The following RNASEH1 variants were observed in gnomAD, a reference collection of about 807,000 sequenced individuals.
RNASEH1 encodes ribonuclease H type II.
Under a neutral mutation model 34.6 loss-of-function variants are expected in RNASEH1, and 27 were observed. That is an observed-to-expected ratio of 0.78 (90% CI 0.58 to 1.08). The LOEUF is 1.08. Among genes scored for constraint, RNASEH1 ranks in the 50% least tolerant of loss-of-function variants. The probability of loss-of-function intolerance (pLI) is 0.00; values close to 1 mark genes in which losing one functional copy is unlikely to be tolerated. For synonymous variants in RNASEH1, 162 were observed against 138.4 expected, an observed-to-expected ratio of 1.17 and a Z score of -1.20; for missense variants, 349 against 373.6, an observed-to-expected ratio of 0.93 and a Z score of 0.54.
At chr2:3,548,269 T>C (rs369566877) in intron 6 of RNASEH1, among the ~76,000 whole-genome samples, 21 of 152,340 alleles carry the variant, frequency 1.4e-4, no homozygotes, top group African/African-American at 5.1e-4. Flanking sequence ...TACCTACAGC[T>C]GTCAGCTTAA....
chr2:3,555,858 C>T (rs1175880068), intron 2 of RNASEH1, among the ~76,000 whole-genome samples: 4 of 152,118 alleles, frequency 2.6e-5, no homozygotes, highest in Non-Finnish European at 5.9e-5. Flanking sequence ...AATAACCGTA[C>T]TTTCTATAAC....
At chr2:3,548,513 G>C in intron 6 of RNASEH1, 127 bp downstream of exon 6, 1 of 627,452 alleles carries the variant, frequency 1.6e-6, no homozygotes, top group Non-Finnish European at 2.8e-6. Context: ...CTCACTCTTT[G>C]CTCGGTACCT....
At chr2:3,556,326 T>G (rs1660492869) in intron 2 of RNASEH1, among the ~76,000 whole-genome samples, 1 of 150,312 alleles carries the variant, frequency 6.7e-6, no homozygotes, top group African/African-American at 2.4e-5. Context: ...TTTTTTTTTT[T>G]GACGAGTCTT....
chr2:3,552,582 C>G (rs186228615), intron 2 of RNASEH1, among the ~76,000 whole-genome samples: 1 of 91,448 alleles, frequency 1.1e-5, no homozygotes, highest in Non-Finnish European at 2.2e-5. Context: ...CTCCCCTCCA[C>G]ACCACCACCA....
intron 3 of RNASEH1, 110 bp from the exon 4 acceptor site, chr2:3,550,582 A>C: frequency 1.2e-6 from 1 of 803,680 alleles, no homozygotes; most frequent in South Asian, 1.4e-5. Context: ...GGTATTTTAC[A>C]ACGCTGCAGA....
intron 1 of RNASEH1, chr2:3,557,682 G>C (rs781209493): frequency 7.1e-6 from 3 of 424,668 alleles, no homozygotes; most frequent in African/African-American, 2.1e-5. Context: ...CACCTCCAAG[G>C]GTTGTTACAA....
In RNASEH1 at chr2:3,545,654, T is replaced by C. The variant is rs965061590; in HGVS notation, c.*131A>G. 1.5e-6 allele frequency: 1 copy of C among 679,928 alleles called. No homozygotes were observed. The highest frequency in any genetic ancestry group is 2.7e-6 in the Non-Finnish European group (1 of 369,960). The allele number at this position is 679,928 out of a possible 1,614,324, so 42.1% of individuals were successfully genotyped here. A position where few individuals can be genotyped will look rare whatever the true frequency, so the allele number is the denominator to read the frequency against. On this transcript the variant is annotated 3_prime_UTR_variant, in exon 8 of 8. Transcript: ENST00000315212. ...ACATGTCACAGAAGGCCACTGTGCCTGATTCCGTGTGAAAGACGCATCTGC... is the reference window on the plus strand; with the variant it reads ...ACATGTCACAGAAGGCCACTGTGCCCGATTCCGTGTGAAAGACGCATCTGC...
downstream of RNASEH1, among the ~76,000 whole-genome samples, chr2:3,537,367 T>C (rs1479456970): frequency 6.6e-6 from 1 of 152,168 alleles, no homozygotes; most frequent in Non-Finnish European, 1.5e-5. Flanking sequence ...AGGCAGACCT[T>C]TCGAATATTT....
At chr2:3,547,301 C>A (rs1166408289) in intron 7 of RNASEH1, among the ~76,000 whole-genome samples, 2 of 152,144 alleles carry the variant, frequency 1.3e-5, no homozygotes, top group Admixed American at 6.5e-5. Context: ...CCTCAGTGTC[C>A]TGAGTAACTA....
chr2:3,533,819 T>G, the RNASEH1 span: 1 of 152,274 alleles, frequency 6.6e-6, no homozygotes, highest in South Asian at 2.1e-4. Flanking sequence ...GGTCCGTGAA[T>G]GACGACTGGA....
chr2:3,535,986 C>T, the RNASEH1 span, among the ~76,000 whole-genome samples: 39 of 152,216 alleles, frequency 2.6e-4, no homozygotes, highest in African/African-American at 8.9e-4. Flanking sequence ...GTCCCGGCCA[C>T]GAGAGAGCCA....
At chr2:3,533,579 T>C in the RNASEH1 span, 3 of 152,206 alleles carry the variant, frequency 2.0e-5, no homozygotes, top group Non-Finnish European at 4.4e-5. Context: ...GATACATTTA[T>C]GGGGAGAGAT....
At chr2:3,553,399 T>A (rs931177643) in intron 2 of RNASEH1, among the ~76,000 whole-genome samples, 1 of 150,096 alleles carries the variant, frequency 6.7e-6, no homozygotes, top group Non-Finnish European at 1.5e-5. Flanking sequence ...CCCAAATAGT[T>A]TTTTTTTTTT....
intron 2 of RNASEH1, among the ~76,000 whole-genome samples, chr2:3,556,060 GCTA>G (rs1660462232): frequency 6.6e-6 from 1 of 152,018 alleles, no homozygotes; most frequent in South Asian, 2.1e-4. Context: ...TGTAATCCCA[GCTA>G]CTCCGGAAGC....
At chr2:3,534,330 A>G in the RNASEH1 span, 1 of 152,312 alleles carries the variant, frequency 6.6e-6, no homozygotes, top group East Asian at 1.9e-4. Flanking sequence ...GTGGAGGAGA[A>G]GAAACTGCTG....
rs1167369469 is a variant in RNASEH1 at position 3,545,591 on chromosome 2, T to C, written c.*194A>G. 1.7e-6 allele frequency: 1 copy of C among 574,318 alleles called. No homozygotes were observed. The highest frequency in any genetic ancestry group is 3.1e-6 in the Non-Finnish European group (1 of 320,786). 35.6% of individuals were successfully genotyped at this position (574,318 alleles called of 1,614,324 possible). On this transcript the variant is annotated 3_prime_UTR_variant, in exon 8 of 8. Transcript: ENST00000315212. ...TCACATAATTCTCCAATCTCAAAGA[T>C]GTTCAATTTATTATATACTTAACCA...
intron 2 of RNASEH1, among the ~76,000 whole-genome samples, chr2:3,555,897 G>A (rs536494997): frequency 2.6e-5 from 4 of 152,294 alleles, no homozygotes; most frequent in South Asian, 2.1e-4. Flanking sequence ...TTGGACAGGC[G>A]TGGTGGCTCA....
intron 1 of RNASEH1, 142 bp from the exon 2 acceptor site, chr2:3,557,046 A>G: frequency 1.6e-6 from 1 of 631,652 alleles, no homozygotes; most frequent in Non-Finnish European, 2.9e-6. Flanking sequence ...CCCATCACAG[A>G]TACCAACATC....
Position 3,545,616 on chromosome 2 carries a change from A to G in RNASEH1, c.*169T>C. ...TGTTCAATTTATTATATACTTAACC[A>G]TTTTTTATAAACACATGTCACAGAA... On this transcript the variant is annotated 3_prime_UTR_variant, in exon 8 of 8. Transcript: ENST00000315212. 1.6e-6 allele frequency: 1 copy of G among 607,738 alleles called. No homozygotes were observed. Among genetic ancestry groups the G allele is most frequent in the Non-Finnish European group, 3.0e-6 (1 of 338,942 alleles). The allele number at this position is 607,738 out of a possible 1,614,324, so 37.6% of individuals were successfully genotyped here. A position where few individuals can be genotyped will look rare whatever the true frequency, so the allele number is the denominator to read the frequency against.
Sources: gnomAD v4.1 joint callset for allele counts (sites outside exome capture counted in the v4.1 genomes callset) on GRCh38, gnomAD v4.1.1 for gene constraint, MANE v1.5 for transcripts, NCBI Gene and HGNC (gene_info 2026-07-23, HGNC 2026-07-21) for gene names.